The following QTGAL variants were observed in gnomAD, a reference collection of about 807,000 sequenced individuals.
The protein encoded by QTGAL is BGnT-like protein 1.
the QTGAL span, chr17:82,956,874 G>C: frequency 7.6e-7 from 1 of 1,314,928 alleles, no homozygotes. The surrounding 1 kb of genome is among the most constrained non-coding windows in gnomAD (Gnocchi z 5.7). Flanking sequence ...ACAGGAGCCA[G>C]GGCTTGGGCA....
the QTGAL span, among the ~76,000 whole-genome samples, chr17:83,050,589 A>C: frequency 4.2e-4 from 64 of 152,360 alleles, no homozygotes; most frequent in Admixed American, 3.1e-3. Context: ...AAACAAAAAA[A>C]CAAAAAACAG....
the QTGAL span, among the ~76,000 whole-genome samples, chr17:82,963,419 T>C: frequency 6.6e-6 from 1 of 151,544 alleles, no homozygotes; most frequent in Non-Finnish European, 1.5e-5. Flanking sequence ...GCGATTGGAG[T>C]CCGCGGAACG....
At chr17:82,951,425 A>G in the QTGAL span, among the ~76,000 whole-genome samples, 17 of 152,306 alleles carry the variant, frequency 1.1e-4, no homozygotes, top group African/African-American at 4.1e-4. Flanking sequence ...AGAATTGAAG[A>G]GAGTTGGGAC....
the QTGAL span, among the ~76,000 whole-genome samples, chr17:82,995,627 C>T: frequency 6.6e-6 from 1 of 152,124 alleles, no homozygotes; most frequent in Non-Finnish European, 1.5e-5. Context: ...TCATGATCCA[C>T]CCACCTCGCC....
the QTGAL span, chr17:83,005,437 G>A: frequency 3.2e-6 from 2 of 622,220 alleles, no homozygotes; most frequent in African/African-American, 1.8e-5. This position sits in a 1 kb window ranked among gnomAD's most constrained non-coding sequence, Gnocchi z 5.6. Flanking sequence ...GACAGAAGAC[G>A]GCCCTGGACG....
the QTGAL span, among the ~76,000 whole-genome samples, chr17:82,981,994 T>C: frequency 6.6e-6 from 1 of 152,220 alleles, no homozygotes; most frequent in African/African-American, 2.4e-5. Flanking sequence ...CCTTCTCACC[T>C]CCGTGGTGAT....
chr17:83,034,479 G>T, the QTGAL span, among the ~76,000 whole-genome samples: 2 of 152,116 alleles, frequency 1.3e-5, no homozygotes, highest in Admixed American at 6.6e-5. Flanking sequence ...ATTTGATAAG[G>T]TTGGGCTGTG....
At chr17:82,990,806 C>T in the QTGAL span, among the ~76,000 whole-genome samples, 2 of 152,118 alleles carry the variant, frequency 1.3e-5, no homozygotes, top group Non-Finnish European at 2.9e-5. Context: ...GGGTGGGGCT[C>T]TACTGGGATC....
the QTGAL span, among the ~76,000 whole-genome samples, chr17:82,964,027 T>TGGGGGGG: frequency 1.4e-5 from 2 of 144,840 alleles, no homozygotes; most frequent in African/African-American, 5.3e-5. Flanking sequence ...AAGGCTGAGG[T>TGGGGGGG]CGGGGGGGTG....
the QTGAL span, among the ~76,000 whole-genome samples, chr17:83,029,917 C>T: frequency 6.6e-6 from 1 of 152,206 alleles, no homozygotes; most frequent in Non-Finnish European, 1.5e-5. Flanking sequence ...TGCAACCTAT[C>T]TTCCTGCTTT....
At chr17:82,983,644 G>A in the QTGAL span, among the ~76,000 whole-genome samples, 40,677 of 152,138 alleles carry the variant, frequency 0.27, 5,643 homozygotes, top group East Asian at 0.37. Context: ...ATGGTGACAG[G>A]ATGGGCGCCG....
At chr17:82,986,066 G>A in the QTGAL span, among the ~76,000 whole-genome samples, 6 of 152,296 alleles carry the variant, frequency 3.9e-5, no homozygotes, top group South Asian at 2.1e-4. Context: ...ACCTGACACC[G>A]GGCCAGGAGC....
the QTGAL span, among the ~76,000 whole-genome samples, chr17:83,047,910 A>G: frequency 6.6e-6 from 1 of 152,152 alleles, no homozygotes; most frequent in Non-Finnish European, 1.5e-5. Context: ...AAATCCTACC[A>G]AACAATAAAA....
the QTGAL span, among the ~76,000 whole-genome samples, chr17:83,001,631 G>C: frequency 2.0e-5 from 3 of 152,184 alleles, no homozygotes; most frequent in African/African-American, 7.2e-5. Context: ...AGCCCCTCTA[G>C]GTGCTGGGTG....
chr17:83,008,586 G>A, the QTGAL span, among the ~76,000 whole-genome samples: 12 of 152,246 alleles, frequency 7.9e-5, no homozygotes, highest in East Asian at 1.4e-3. Context: ...TGAGGTCTGC[G>A]CTCCCTCCCC....
chr17:82,953,809 G>C, the QTGAL span, among the ~76,000 whole-genome samples: 1 of 152,128 alleles, frequency 6.6e-6, no homozygotes, highest in South Asian at 2.1e-4. Flanking sequence ...CCATGATCAA[G>C]TCAGCTTCAT....
chr17:82,961,890 C>T, the QTGAL span, among the ~76,000 whole-genome samples: 2 of 152,252 alleles, frequency 1.3e-5, no homozygotes, highest in Non-Finnish European at 2.9e-5. Flanking sequence ...CCTCTGCTTG[C>T]TCCTCTCCTG....
the QTGAL span, among the ~76,000 whole-genome samples, chr17:83,039,322 G>A: frequency 9.1e-5 from 4 of 43,972 alleles, no homozygotes; most frequent in Non-Finnish European, 1.7e-4. Flanking sequence ...CACACTGCTG[G>A]GCGCCCGCCG....
the QTGAL span, among the ~76,000 whole-genome samples, chr17:82,964,217 C>T: frequency 1.6e-5 from 2 of 128,658 alleles, no homozygotes; most frequent in African/African-American, 5.9e-5. Flanking sequence ...GAGTGAGCCA[C>T]TGCACTCCAG....
Sources: gnomAD v4.1 joint callset for allele counts (sites outside exome capture counted in the v4.1 genomes callset) on GRCh38, gnomAD v4.1.1 for gene constraint, Gnocchi (gnomAD v3.1) non-coding constraint, MANE v1.5 for transcripts, NCBI Gene and HGNC (gene_info 2026-07-23, HGNC 2026-07-21) for gene names.